The following HCN1 variants were observed in gnomAD, a reference collection of about 807,000 sequenced individuals.
HCN1 encodes the protein hyperpolarization activated cyclic nucleotide gated potassium channel 1.
In HCN1, 13 loss-of-function variants were observed where a neutral mutation model predicts 78.9. The ratio of observed to expected loss-of-function variants is 0.16; its 90% confidence interval spans 0.11 to 0.26. HCN1 has a LOEUF of 0.26. HCN1 is among the 10% of genes least tolerant of loss of function. HCN1 has a pLI of 1.00. For missense variants in HCN1, 810 were observed against 1,154.3 expected (o/e 0.70, Z 4.32); for synonymous variants, 552 against 455.5 (o/e 1.21, Z -2.70).
chr5:45,265,723 C>T (rs991613553), intron 7 of HCN1, among the ~76,000 whole-genome samples: 2 of 152,166 alleles, frequency 1.3e-5, no homozygotes, highest in African/African-American at 4.8e-5. Context: ...ATCCCAGCCC[C>T]ATCTTTTTTG....
At chr5:45,387,963 C>T (rs1339763482) in intron 4 of HCN1, among the ~76,000 whole-genome samples, 4 of 152,050 alleles carry the variant, frequency 2.6e-5, no homozygotes, top group Admixed American at 1.3e-4. Flanking sequence ...TGCAACTTTC[C>T]ATTTGATATT....
At chr5:45,326,709 A>G (rs1024214914) in intron 5 of HCN1, among the ~76,000 whole-genome samples, 13 of 151,676 alleles carry the variant, frequency 8.6e-5, no homozygotes, top group African/African-American at 1.2e-4. Flanking sequence ...GAATTTTGAG[A>G]TGTACAAATT....
chr5:45,548,572 T>C lies in HCN1; in HGVS notation c.850-86565A>G, dbSNP rs577927549. On this transcript the variant is annotated intron_variant, in intron 2 of 7. Coordinates refer to ENST00000303230, the MANE Select transcript of HCN1 (RefSeq NM_021072.4). ...GGGCAAAAAACTGGAAGCATTCCCT[T>C]TGAAAACTGGCACAAGACAGGGATG... 1.2e-3 allele frequency among the ~76,000 whole-genome samples: 186 copies of C among 152,202 alleles called. 1 individual carries two copies. The highest frequency in any genetic ancestry group is 4.4e-3 in the African/African-American group (181 of 41,564).
At chr5:45,673,879 A>C (rs1425487085) in intron 1 of HCN1, among the ~76,000 whole-genome samples, 1 of 151,608 alleles carries the variant, frequency 6.6e-6, no homozygotes, top group Non-Finnish European at 1.5e-5. Flanking sequence ...ATGAAATTCT[A>C]ATACTAATTT....
At chr5:45,538,536 G>C (rs2111819998) in intron 2 of HCN1, among the ~76,000 whole-genome samples, 1 of 152,244 alleles carries the variant, frequency 6.6e-6, no homozygotes, top group African/African-American at 2.4e-5. Context: ...GTAAGTAAGT[G>C]ATGGAACTAG....
At chr5:45,651,937 T>C (rs1745684175) in intron 1 of HCN1, among the ~76,000 whole-genome samples, 1 of 151,964 alleles carries the variant, frequency 6.6e-6, no homozygotes, top group African/African-American at 2.4e-5. Flanking sequence ...AAAATGATCC[T>C]ATCTGAGGGA....
intron 3 of HCN1, among the ~76,000 whole-genome samples, chr5:45,429,567 C>T (rs1219595763): frequency 6.6e-6 from 1 of 152,024 alleles, no homozygotes; most frequent in Non-Finnish European, 1.5e-5. Context: ...GATTTAATTT[C>T]CCAGTGGGCT....
intron 5 of HCN1, among the ~76,000 whole-genome samples, chr5:45,325,601 C>T (rs1025441105): frequency 3.3e-5 from 5 of 151,444 alleles, no homozygotes; most frequent in African/African-American, 4.8e-5. Flanking sequence ...TATTCTTTTC[C>T]GTCAGCATTT....
At chr5:45,378,916 T>A (rs1747746618) in intron 4 of HCN1, among the ~76,000 whole-genome samples, 1 of 152,124 alleles carries the variant, frequency 6.6e-6, no homozygotes, top group Non-Finnish European at 1.5e-5. Context: ...AATGATGGTT[T>A]CCAGCTTTAT....
At position 45,658,406 on chromosome 5, in the gene HCN1, A is replaced by G. The variant is rs528791844; in HGVS notation, c.426-12798T>C. Among the ~76,000 whole-genome samples, 183 of 152,332 alleles carry G rather than the reference A, an allele frequency of 1.2e-3. 1 individual carries two copies. The highest frequency in any genetic ancestry group is 4.3e-3 in the African/African-American group (178 of 41,582). Reference sequence around the variant, plus strand: ...GACAAATGGGATCTAATTAAACTAAAGAGCTTCTGCATAGCAAAAGAAACT... The same window carrying G: ...GACAAATGGGATCTAATTAAACTAAGGAGCTTCTGCATAGCAAAAGAAACT... On this transcript the variant is annotated intron_variant, in intron 1 of 7. Transcript: ENST00000303230.
chr5:45,474,992 T>C (rs1276369469), intron 2 of HCN1, among the ~76,000 whole-genome samples: 1 of 152,002 alleles, frequency 6.6e-6, no homozygotes. Flanking sequence ...TGTCACCTAG[T>C]TTAAAATAAC....
chr5:45,680,254 A>T (rs1251386938), intron 1 of HCN1, among the ~76,000 whole-genome samples: 1 of 152,164 alleles, frequency 6.6e-6, no homozygotes, highest in East Asian at 1.9e-4. Context: ...CTGACTTTCA[A>T]AACAAGCCTG....
chr5:45,502,531 A>G (rs1378276533), intron 2 of HCN1, among the ~76,000 whole-genome samples: 1 of 152,190 alleles, frequency 6.6e-6, no homozygotes, highest in African/African-American at 2.4e-5. Context: ...CTAGCCATGT[A>G]CAAGTTATTT....
At chr5:45,614,468 T>C (rs926529495) in intron 2 of HCN1, among the ~76,000 whole-genome samples, 5 of 152,142 alleles carry the variant, frequency 3.3e-5, no homozygotes, top group Admixed American at 6.6e-5. Flanking sequence ...TCACAAAAGC[T>C]GCCAAAGGAG....
chr5:45,642,860 T>C (rs1223415644), intron 2 of HCN1: 2 of 152,096 alleles, frequency 1.3e-5, no homozygotes, highest in African/African-American at 4.8e-5. Context: ...TATGACTCTG[T>C]TTCTTCCCTG....
intron 2 of HCN1, among the ~76,000 whole-genome samples, chr5:45,469,259 A>G (rs913146730): frequency 6.6e-6 from 1 of 151,978 alleles, no homozygotes; most frequent in African/African-American, 2.4e-5. Context: ...AAAACGAAAG[A>G]GCAAGCATAA....
At chr5:45,554,817 G>A (rs186069178) in intron 2 of HCN1, among the ~76,000 whole-genome samples, 29 of 151,924 alleles carry the variant, frequency 1.9e-4, no homozygotes, top group African/African-American at 6.7e-4. Context: ...ACTTTCTTCT[G>A]TATTAAAGAA....
At chr5:45,634,235 T>C (rs1745320376) in intron 2 of HCN1, among the ~76,000 whole-genome samples, 1 of 151,918 alleles carries the variant, frequency 6.6e-6, no homozygotes, top group Admixed American at 6.6e-5. Flanking sequence ...TTCATACACC[T>C]ATCCTTTCTG....
chr5:45,371,806 G>A (rs1747369158), intron 4 of HCN1, among the ~76,000 whole-genome samples: 1 of 133,592 alleles, frequency 7.5e-6, no homozygotes, highest in African/African-American at 2.8e-5. Context: ...CACACACAAG[G>A]TGTATATGTG....
Sources: gnomAD v4.1 joint callset for allele counts (sites outside exome capture counted in the v4.1 genomes callset) on GRCh38, gnomAD v4.1.1 for gene constraint, MANE v1.5 for transcripts, NCBI Gene and HGNC (gene_info 2026-07-23, HGNC 2026-07-21) for gene names.